FILIP1: variants seen among roughly 807,000 people sequenced by gnomAD.
FILIP1 encodes filamin A interacting protein 1.
In FILIP1, 61 loss-of-function variants were observed where a neutral mutation model predicts 102.1. That is an observed-to-expected ratio of 0.60 (90% CI 0.49 to 0.74). The LOEUF (loss-of-function observed/expected upper bound fraction) is 0.74. Among genes scored for constraint, FILIP1 ranks in the 30% least tolerant of loss-of-function variants. The pLI, the probability that FILIP1 is intolerant of heterozygous loss-of-function variation, is 0.00. For synonymous variants in FILIP1, 491 were observed against 526.9 expected, an observed-to-expected ratio of 0.93 and a Z score of 0.93; for missense variants, 1,314 against 1,441.2, an observed-to-expected ratio of 0.91 and a Z score of 1.43.
intron 2 of FILIP1, among the ~76,000 whole-genome samples, chr6:75,411,819 G>T (rs1270053687): frequency 6.6e-6 from 1 of 151,966 alleles, no homozygotes; most frequent in East Asian, 1.9e-4. Flanking sequence ...GTTCCTGTAG[G>T]CTTGTAGTAT....
At chr6:75,318,091 A>G (rs865785501) in intron 4 of FILIP1, among the ~76,000 whole-genome samples, 1 of 151,036 alleles carries the variant, frequency 6.6e-6, no homozygotes, top group Non-Finnish European at 1.5e-5. Flanking sequence ...TTTTTTTTTC[A>G]TCCTGTCACA....
chr6:75,453,965 C>T (rs1263258323), intron 1 of FILIP1: 2 of 456,678 alleles, frequency 4.4e-6, no homozygotes, highest in Non-Finnish European at 4.4e-6. Context: ...TTTTCTATTG[C>T]TGCCATGACA....
chr6:75,395,566 C>T lies in FILIP1; in HGVS notation c.276+19131G>A, dbSNP rs539448602. ...GTGCTGGCATTACAGGTGTGAGCCA[C>T]CACACCAGGCCAAAAATTTCTAAAT... On this transcript the variant is annotated intron_variant, in intron 2 of 5. Coordinates refer to ENST00000237172, the MANE Select transcript of FILIP1 (RefSeq NM_015687.5). 2.0e-5 allele frequency among the ~76,000 whole-genome samples: 3 copies of T among 152,320 alleles called. No individual in the cohort carries two copies. The South Asian group carries it at 6.2e-4, about 32-fold the overall frequency.
intron 4 of FILIP1, among the ~76,000 whole-genome samples, chr6:75,317,521 T>A (rs572218762): frequency 6.6e-6 from 1 of 152,312 alleles, no homozygotes; most frequent in South Asian, 2.1e-4. Context: ...AACCAATAAA[T>A]ATTTTTGTCA....
At chr6:75,407,295 G>A (rs527300616) in intron 2 of FILIP1, among the ~76,000 whole-genome samples, 4 of 151,860 alleles carry the variant, frequency 2.6e-5, no homozygotes, top group African/African-American at 9.7e-5. Context: ...GCACAATCTC[G>A]GCTTACTGCA....
At chr6:75,312,343 T>C in intron 5 of FILIP1, 54 bp downstream of exon 5, 1 of 1,545,138 alleles carries the variant, frequency 6.5e-7, no homozygotes, top group South Asian at 1.2e-5. Context: ...GTAGTCTCAC[T>C]ACTCACGTCT....
At chr6:75,355,764 G>A (rs1774973041) in intron 3 of FILIP1, among the ~76,000 whole-genome samples, 2 of 152,154 alleles carry the variant, frequency 1.3e-5, no homozygotes, top group African/African-American at 4.8e-5. Flanking sequence ...CCCTGGTGCT[G>A]AGCACAGGCC....
At chr6:75,348,836 A>G (rs1426664948) in intron 4 of FILIP1, among the ~76,000 whole-genome samples, 1 of 152,218 alleles carries the variant, frequency 6.6e-6, no homozygotes, top group Non-Finnish European at 1.5e-5. Flanking sequence ...CCACTGTGTC[A>G]AAGCATCTAC....
At chr6:75,317,086 G>A (rs1054030061) in intron 4 of FILIP1, among the ~76,000 whole-genome samples, 1 of 152,200 alleles carries the variant, frequency 6.6e-6, no homozygotes, top group Non-Finnish European at 1.5e-5. Context: ...GTGGATTGGA[G>A]TGACTACAAC....
chr6:75,362,218 G>C lies in FILIP1; in HGVS notation c.450+526C>G, dbSNP rs146115566. ...GATAATAATAGTCATAGCCCTAGTAGAATTCATTTCATCTCAAAGAATTGC... is the reference window on the plus strand; with the variant it reads ...GATAATAATAGTCATAGCCCTAGTACAATTCATTTCATCTCAAAGAATTGC... On this transcript the variant is annotated intron_variant, in intron 3 of 5. Transcript: ENST00000237172. Among the ~76,000 whole-genome samples, 865 of 152,246 alleles carry C rather than the reference G, an allele frequency of 5.7e-3. 7 individuals carry two copies. The highest frequency in any genetic ancestry group is 0.02 in the African/African-American group (819 of 41,544).
chr6:75,449,498 T>C (rs756908111), intron 1 of FILIP1, among the ~76,000 whole-genome samples: 4 of 152,094 alleles, frequency 2.6e-5, no homozygotes, highest in Admixed American at 6.5e-5. Context: ...AAAAAAAAGA[T>C]AAATGCCTTA....
chr6:75,452,779 T>C (rs1329182728), intron 1 of FILIP1, among the ~76,000 whole-genome samples: 1 of 152,230 alleles, frequency 6.6e-6, no homozygotes, highest in East Asian at 1.9e-4. Flanking sequence ...TTTTGGGTGG[T>C]GAAATTGTGT....
chr6:75,451,330 G>A (rs1249026393), intron 1 of FILIP1, among the ~76,000 whole-genome samples: 1 of 149,704 alleles, frequency 6.7e-6, no homozygotes. Flanking sequence ...CAAAATATCA[G>A]TAATTATAGT....
At chr6:75,421,391 G>A (rs1777458228) in intron 1 of FILIP1, among the ~76,000 whole-genome samples, 1 of 152,106 alleles carries the variant, frequency 6.6e-6, no homozygotes, top group East Asian at 1.9e-4. Flanking sequence ...CGGCTCCACA[G>A]GGCAACAGGG....
At chr6:75,465,647 C>T in intron 1 of FILIP1, 2 of 301,486 alleles carry the variant, frequency 6.6e-6, no homozygotes, top group Non-Finnish European at 1.2e-5. Context: ...GTATATTTTC[C>T]AGGTGCATCT....
At chr6:75,373,709 G>A (rs1341231457) in intron 2 of FILIP1, among the ~76,000 whole-genome samples, 4 of 151,760 alleles carry the variant, frequency 2.6e-5, no homozygotes, top group Non-Finnish European at 5.9e-5. Flanking sequence ...TTATGTTTTT[G>A]AAAAAACTAA....
intron 2 of FILIP1, among the ~76,000 whole-genome samples, chr6:75,404,452 G>A (rs1432553581): frequency 6.6e-6 from 1 of 152,082 alleles, no homozygotes; most frequent in East Asian, 1.9e-4. Flanking sequence ...TGCAACCCTA[G>A]ATCCAGTGCT....
intron 1 of FILIP1, among the ~76,000 whole-genome samples, chr6:75,473,096 C>A (rs562502123): frequency 3.0e-4 from 45 of 152,196 alleles, no homozygotes; most frequent in African/African-American, 1.0e-3. Context: ...GCATATGAAA[C>A]CAGGTCTGGC....
chr6:75,320,387 T>C (rs1296982875), intron 4 of FILIP1, among the ~76,000 whole-genome samples: 1 of 151,978 alleles, frequency 6.6e-6, no homozygotes, highest in Non-Finnish European at 1.5e-5. Context: ...CAAAACCTCA[T>C]CTCTACAAAA....
Sources: allele counts gnomAD v4.1 joint callset (sites outside exome capture counted in the v4.1 genomes callset), GRCh38; gene constraint gnomAD v4.1.1; transcripts MANE v1.5; gene names NCBI Gene and HGNC (gene_info 2026-07-23, HGNC 2026-07-21).